The following SH3BP4 variants were observed in gnomAD, a reference collection of about 807,000 sequenced individuals.
The protein encoded by SH3BP4 is SH3 domain binding protein 4.
A neutral mutation model predicts 65.5 loss-of-function variants in SH3BP4; 33 were observed. The ratio of observed to expected loss-of-function variants is 0.50; its 90% CI spans 0.38 to 0.67. The LOEUF (loss-of-function observed/expected upper bound fraction) is 0.67. Ranked by LOEUF, SH3BP4 falls within the 30% of genes least tolerant of loss-of-function variation. The pLI is 0.00. For synonymous variants in SH3BP4, 552 were observed against 545.5 expected (o/e 1.01, Z -0.17); for missense variants, 1,134 against 1,261.4 (o/e 0.90, Z 1.53).
At chr2:234,953,755 G>A (rs1692529098) in intron 1 of SH3BP4, among the ~76,000 whole-genome samples, 1 of 151,992 alleles carries the variant, frequency 6.6e-6, no homozygotes, top group African/African-American at 2.4e-5. Context: ...CTCTCACCTG[G>A]CCGTCCTGCC....
chr2:234,990,300 C>T (rs1210357432), intron 1 of SH3BP4, among the ~76,000 whole-genome samples: 3 of 152,262 alleles, frequency 2.0e-5, no homozygotes, highest in East Asian at 1.9e-4. Context: ...ATCCAGCTGT[C>T]GGGGATGCAG....
chr2:234,984,448 A>G (rs4663531), intron 1 of SH3BP4, among the ~76,000 whole-genome samples: 41,465 of 151,792 alleles, frequency 0.27, 6,098 homozygotes, highest in East Asian at 0.59. Flanking sequence ...GGCTCAAGCA[A>G]TCCCCCTGCT....
chr2:235,039,939 T>C (rs944120698), intron 3 of SH3BP4, among the ~76,000 whole-genome samples: 9 of 152,362 alleles, frequency 5.9e-5, no homozygotes, highest in Non-Finnish European at 1.2e-4. Flanking sequence ...TGAATGATAA[T>C]TTAAAAGAGG....
rs907181783 is a variant in SH3BP4 at position 234,967,921 on chromosome 2, C to T, written c.-207+15751C>T. Reference sequence around the variant, plus strand: ...CTTCTCTGATTGGCCATTGTGTGTTCATCTAAGAGTTAGTGCAGGACCGGA... The same window carrying T: ...CTTCTCTGATTGGCCATTGTGTGTTTATCTAAGAGTTAGTGCAGGACCGGA... On this transcript the variant is annotated intron_variant, in intron 1 of 5. Coordinates refer to ENST00000392011, the MANE Select transcript of SH3BP4 (RefSeq NM_014521.3). The surrounding 1 kb of genome is among the most constrained non-coding windows in gnomAD (Gnocchi z 4.6). Among the ~76,000 whole-genome samples the T allele has an allele frequency of 6.6e-6, 1 of 152,150 alleles. No individual in the cohort carries two copies. Among genetic ancestry groups the T allele is most frequent in the Non-Finnish European group, 1.5e-5 (1 of 68,030 alleles).
rs1295229574 is a variant in SH3BP4, at chr2:235,055,045, C to CT, written c.*1231dup. 6.6e-6 allele frequency: 1 copy of CT among 152,220 alleles called. No individual in the cohort carries two copies. The highest frequency in any genetic ancestry group is 1.5e-5 in the Non-Finnish European group (1 of 68,046). The allele number at this position is 152,220 out of a possible 1,614,324, so 9.4% of individuals were successfully genotyped here. ...AATGTGACTCACATAAAATCAGGAA[C>CT]TTGACACAGTGTTGCATTAATAACT... is the stretch of plus-strand genomic sequence containing the variant. On this transcript the variant is annotated 3_prime_UTR_variant, in exon 6 of 6. Transcript: ENST00000392011.
Position 234,957,476 on chromosome 2 carries a change from G to T in SH3BP4, c.-207+5306G>T, listed in dbSNP as rs115056890. 8.7e-3 allele frequency among the ~76,000 whole-genome samples: 1,320 copies of T among 151,724 alleles called. 13 individuals are homozygous for T. Among genetic ancestry groups the T allele is most frequent in the African/African-American group, 0.03 (1,226 of 41,362 alleles). On this transcript the variant is annotated intron_variant, in intron 1 of 5. Coordinates refer to ENST00000392011, the MANE Select transcript of SH3BP4 (RefSeq NM_014521.3). The stretch of plus-strand genomic sequence containing the variant: ...CGTCACCCCCATCACTTTAATGGAA[G>T]AAATTGTGGCCTCACTTCTGCTTGG...
rs556849906 is a variant in SH3BP4, at chr2:234,974,679, G to A, written c.-206-20624G>A. On this transcript the variant is annotated intron_variant, in intron 1 of 5. Transcript: ENST00000392011. The surrounding 1 kb of genome is among the most constrained non-coding windows in gnomAD (Gnocchi z 4.6). The stretch of plus-strand genomic sequence containing the variant: ...CACTAACAAGGGCTTCATGCAGCCC[G>A]CGGCCCAGGGCGTTCACAAGCTCTC... 2.0e-4 allele frequency among the ~76,000 whole-genome samples: 31 copies of A among 152,326 alleles called. No individual in the cohort carries two copies. Among genetic ancestry groups the A allele is most frequent in the Non-Finnish European group, 4.3e-4 (29 of 68,032 alleles).
At chr2:234,958,983 G>T (rs1253776060) in intron 1 of SH3BP4, among the ~76,000 whole-genome samples, 1 of 152,098 alleles carries the variant, frequency 6.6e-6, no homozygotes, top group Non-Finnish European at 1.5e-5. Context: ...CCCGTGCGGT[G>T]GGGAGTGGCC....
In SH3BP4 at chr2:235,054,194, T is replaced by C; in HGVS notation, c.*378T>C. The C allele has an allele frequency of 5.2e-6, 1 of 191,826 alleles. No individual in the cohort carries two copies. The highest frequency in any genetic ancestry group is 1.2e-4 in the East Asian group (1 of 8,468). 11.9% of individuals were successfully genotyped at this position (191,826 alleles called of 1,614,324 possible). A position where few individuals can be genotyped will look rare whatever the true frequency, so the allele number is the denominator to read the frequency against. On this transcript the variant is annotated 3_prime_UTR_variant, in exon 6 of 6. Coordinates refer to ENST00000392011, the MANE Select transcript of SH3BP4 (RefSeq NM_014521.3). Reference sequence around the variant, plus strand: ...GGTTTTTATGTTGTTATAGACCTTTTTAAATTATGTTAGAGATGTATATAG... The same window carrying C: ...GGTTTTTATGTTGTTATAGACCTTTCTAAATTATGTTAGAGATGTATATAG...
At chr2:234,993,343 T>G (rs375191656) in intron 1 of SH3BP4, among the ~76,000 whole-genome samples, 2 of 152,238 alleles carry the variant, frequency 1.3e-5, no homozygotes, top group African/African-American at 4.8e-5. Flanking sequence ...TGTTCCCATC[T>G]GTCCTTTATG....
At chr2:235,047,762 G>C (rs1464208961) in intron 4 of SH3BP4, among the ~76,000 whole-genome samples, 1 of 152,208 alleles carries the variant, frequency 6.6e-6, no homozygotes, top group Non-Finnish European at 1.5e-5. Flanking sequence ...CCATAAGAAC[G>C]AAGCCGTGGG....
At position 235,047,815 on chromosome 2, in the gene SH3BP4, G is replaced by A. The variant is rs575640924; in HGVS notation, c.2478+4568G>A. Among the ~76,000 whole-genome samples, 29 of 152,290 alleles carry A rather than the reference G, an allele frequency of 1.9e-4. No homozygotes were observed. In the South Asian group the frequency reaches 6.0e-3, roughly 32 times the overall value. ...CGTCGGTGATGGCTGTAGCAGGGGC[G>A]TTTTGGTCAAGTTGCGGGAGGTAGG... On this transcript the variant is annotated intron_variant, in intron 4 of 5. Coordinates refer to ENST00000392011, the MANE Select transcript of SH3BP4 (RefSeq NM_014521.3).
At chr2:235,025,257 A>G (rs908124047) in intron 2 of SH3BP4, among the ~76,000 whole-genome samples, 1 of 152,032 alleles carries the variant, frequency 6.6e-6, no homozygotes, top group Non-Finnish European at 1.5e-5. Context: ...AGGGCGGGGA[A>G]GGAAGATGTA....
chr2:234,967,110 G>A lies in SH3BP4; in HGVS notation c.-207+14940G>A, dbSNP rs563921207. Reference sequence around the variant, plus strand: ...TCTTACTGTCTCTGTTTAACAGATCGGGAAACTGAGGAACCATGGGGTTTA... The same window carrying A: ...TCTTACTGTCTCTGTTTAACAGATCAGGAAACTGAGGAACCATGGGGTTTA... On this transcript the variant is annotated intron_variant, in intron 1 of 5. Coordinates refer to ENST00000392011, the MANE Select transcript of SH3BP4 (RefSeq NM_014521.3). This position sits in a 1 kb window ranked among gnomAD's most constrained non-coding sequence, Gnocchi z 4.6. Among the ~76,000 whole-genome samples, 13 of 152,254 alleles carry A rather than the reference G, an allele frequency of 8.5e-5. No individual in the cohort carries two copies. In the East Asian group the frequency reaches 1.5e-3, roughly 18 times the overall value.
At chr2:234,966,229 T>C (rs2106243751) in intron 1 of SH3BP4, among the ~76,000 whole-genome samples, 1 of 152,156 alleles carries the variant, frequency 6.6e-6, no homozygotes, top group South Asian at 2.1e-4. Context: ...AAATACAAAA[T>C]TAACCAGGCC....
At chr2:234,981,344 T>A (rs1693376830) in intron 1 of SH3BP4, among the ~76,000 whole-genome samples, 1 of 152,108 alleles carries the variant, frequency 6.6e-6, no homozygotes, top group Non-Finnish European at 1.5e-5. Flanking sequence ...CCCCCTCTAG[T>A]CTGGGAGTGC....
At position 235,034,604 on chromosome 2, in the gene SH3BP4, A is replaced by T. The variant is rs189475897; in HGVS notation, c.-132-267A>T. ...TGGAGCACATTTCGCAAACACCCTT[A>T]CGCCCCTAAGAAGAGCAGGTGCAAA... is the stretch of plus-strand genomic sequence containing the variant. On this transcript the variant is annotated intron_variant, in intron 2 of 5. Coordinates refer to ENST00000392011, the MANE Select transcript of SH3BP4 (RefSeq NM_014521.3). This position sits in a 1 kb window ranked among gnomAD's most constrained non-coding sequence, Gnocchi z 6.2. Among the ~76,000 whole-genome samples, 326 of 152,304 alleles carry T rather than the reference A, an allele frequency of 2.1e-3. 1 individual carries two copies. Among genetic ancestry groups the T allele is most frequent in the African/African-American group, 7.2e-3 (298 of 41,574 alleles).
At position 234,976,569 on chromosome 2, in the gene SH3BP4, C is replaced by T. The variant is rs112150442; in HGVS notation, c.-206-18734C>T. On this transcript the variant is annotated intron_variant, in intron 1 of 5. Transcript: ENST00000392011. This position sits in a 1 kb window ranked among gnomAD's most constrained non-coding sequence, Gnocchi z 4.7. ...GCCGATGTTTACCCGCCTCTGGTAG[C>T]GGACATAGGGGCATCTCTGAGCAGA... Among the ~76,000 whole-genome samples, 7,440 of 152,010 alleles carry T rather than the reference C, an allele frequency of 0.049. 608 individuals are homozygous for T. The highest frequency in any genetic ancestry group is 0.17 in the African/African-American group (6,853 of 41,402).
rs1692568068 is a variant in SH3BP4, at chr2:234,955,575, A to G, written c.-207+3405A>G. ...TCTTCAGAGGGCGAGGGAGTGCAGAATATGCTTTAGAAAGAGGCTGTGTGC... is the reference window on the plus strand; with the variant it reads ...TCTTCAGAGGGCGAGGGAGTGCAGAGTATGCTTTAGAAAGAGGCTGTGTGC... On this transcript the variant is annotated intron_variant, in intron 1 of 5. Transcript: ENST00000392011. Among the ~76,000 whole-genome samples, 3 of 152,272 alleles carry G rather than the reference A, an allele frequency of 2.0e-5. No homozygotes were observed. The South Asian group carries it at 6.2e-4, about 32-fold the overall frequency.
Sources: gnomAD v4.1 joint callset for allele counts (sites outside exome capture counted in the v4.1 genomes callset) on GRCh38, gnomAD v4.1.1 for gene constraint, Gnocchi (gnomAD v3.1) non-coding constraint, MANE v1.5 for transcripts, NCBI Gene and HGNC (gene_info 2026-07-23, HGNC 2026-07-21) for gene names.